Variants in QSER1 observed in about 807,000 individuals in gnomAD.
QSER1 encodes glutamine and serine-rich protein 1.
In QSER1, 49 loss-of-function variants were observed where a neutral mutation model predicts 158.5. The observed-to-expected ratio is 0.31, with a 90% CI of 0.25 to 0.39. The LOEUF is 0.39. Ranked by LOEUF, QSER1 falls within the 10% of genes least tolerant of loss-of-function variation. QSER1 has a pLI of 1.00. For synonymous variants in QSER1, 650 were observed against 715.5 expected (o/e 0.91, Z 1.46); for missense variants, 1,754 against 2,010.3 (o/e 0.87, Z 2.44).
intron 4 of QSER1, among the ~76,000 whole-genome samples, chr11:32,939,954 T>C (rs1852205695): frequency 6.6e-6 from 1 of 151,376 alleles, no homozygotes; most frequent in African/African-American, 2.4e-5. Flanking sequence ...TGAGATTTTT[T>C]TTTTTTTTTT....
intron 1 of QSER1, among the ~76,000 whole-genome samples, chr11:32,924,645 T>C (rs1346104260): frequency 6.9e-6 from 1 of 144,114 alleles, no homozygotes; most frequent in East Asian, 2.0e-4. Flanking sequence ...TGGGAGAAAA[T>C]ACTCCCAATA....
chr11:32,926,808 T>C (rs1463187956), intron 1 of QSER1: 1 of 152,222 alleles, frequency 6.6e-6, no homozygotes, highest in Non-Finnish European at 1.5e-5. Context: ...GAGTCCCTTA[T>C]TTAAATTACA....
At chr11:32,952,086 C>T (rs1030065085) in intron 4 of QSER1, among the ~76,000 whole-genome samples, 1 of 152,006 alleles carries the variant, frequency 6.6e-6, no homozygotes, top group Admixed American at 6.6e-5. Flanking sequence ...GTCATCCGCC[C>T]GCCTCAGCCT....
intron 4 of QSER1, among the ~76,000 whole-genome samples, chr11:32,940,803 A>AT (rs1470138323): frequency 6.6e-6 from 1 of 151,828 alleles, no homozygotes; most frequent in African/African-American, 2.4e-5. Context: ...GATTATTTGC[A>AT]TTTTTTCCTT....
In QSER1 at chr11:32,975,361, A is replaced by G. The variant is rs754266540; in HGVS notation, c.5454+18A>G. ...AGGATGAGGTAATTTCTTCTCATTTACTTAAAAAAAATGTTTTTCAGAATG... is the reference window on the plus strand; with the variant it reads ...AGGATGAGGTAATTTCTTCTCATTTGCTTAAAAAAAATGTTTTTCAGAATG... On this transcript the variant is annotated intron_variant, in intron 12 of 12. Coordinates refer to ENST00000650167, the MANE Select transcript of QSER1 (RefSeq NM_001076786.3). 31 of 1,605,458 alleles carry G rather than the reference A, an allele frequency of 1.9e-5. No individual in the cohort carries two copies. In the East Asian group the frequency reaches 4.5e-4, roughly 23 times the overall value.
chr11:32,964,712 A>AC lies in QSER1; in HGVS notation c.4970-1588_4970-1587insC, dbSNP rs1564946340. Among the ~76,000 whole-genome samples the AC allele has an allele frequency of 2.7e-5, 3 of 112,992 alleles. 1 individual carries two copies. Among genetic ancestry groups the AC allele is most frequent in the East Asian group, 2.5e-4 (1 of 3,950 alleles). 74.1% of individuals were successfully genotyped at this position (112,992 alleles called of 152,430 possible). ...AACCCTATCTCTAAGAAAAAAAAAA[A>AC]ACACCATATATATATATATATATAT... On this transcript the variant is annotated intron_variant, in intron 8 of 12. Coordinates refer to ENST00000650167, the MANE Select transcript of QSER1 (RefSeq NM_001076786.3).
At chr11:32,901,448 G>C (rs1413667452) in intron 1 of QSER1, among the ~76,000 whole-genome samples, 1 of 152,166 alleles carries the variant, frequency 6.6e-6, no homozygotes, top group Non-Finnish European at 1.5e-5. Context: ...CATTTGTCAA[G>C]TAGATTGCAT....
At position 32,974,425 on chromosome 11, in the gene QSER1, C is replaced by CA. The variant is rs34050306; in HGVS notation, c.5359-807dup. ...TGGGTGACAGAATGAGACACTGTCT[C>CA]AAAAAAAAAAAAAAAAGTATTCTGT... On this transcript the variant is annotated intron_variant, in intron 11 of 12. Coordinates refer to ENST00000650167, the MANE Select transcript of QSER1 (RefSeq NM_001076786.3). Among the ~76,000 whole-genome samples, 585 of 91,728 alleles carry CA rather than the reference C, an allele frequency of 6.4e-3. 4 individuals carry two copies. Among genetic ancestry groups the CA allele is most frequent in the South Asian group, 0.014 (41 of 2,926 alleles). 60.2% of individuals were successfully genotyped at this position (91,728 alleles called of 152,430 possible).
At chr11:32,937,238 C>T (rs899619388) in intron 4 of QSER1, among the ~76,000 whole-genome samples, 1 of 152,160 alleles carries the variant, frequency 6.6e-6, no homozygotes, top group Non-Finnish European at 1.5e-5. Context: ...TCATTTGTCA[C>T]TTGGACTATT....
intron 12 of QSER1, chr11:32,975,678 T>G: frequency 8.6e-7 from 1 of 1,160,244 alleles, no homozygotes; most frequent in Non-Finnish European, 1.1e-6. Context: ...TTCACTTCAG[T>G]CACTGCTTTG....
chr11:32,948,816 A>G (rs1321031095), intron 4 of QSER1, among the ~76,000 whole-genome samples: 1 of 152,098 alleles, frequency 6.6e-6, no homozygotes, highest in Admixed American at 6.5e-5. Flanking sequence ...ATGAAACCCA[A>G]TTCTGGGGGC....
Position 32,892,850 on chromosome 11 carries a change from G to A in QSER1, c.-276G>A, listed in dbSNP as rs980208918. On this transcript the variant is annotated 5_prime_UTR_variant, in exon 1 of 13. Coordinates refer to ENST00000650167, the MANE Select transcript of QSER1 (RefSeq NM_001076786.3). ...ACCAACATGGGGCGCAGCGGCCGCC[G>A]CCGCCGCCGCCGTCGCCGCGAGTCC... is the stretch of plus-strand genomic sequence containing the variant. Among the ~76,000 whole-genome samples, 17 of 148,806 alleles carry A rather than the reference G, an allele frequency of 1.1e-4. No homozygotes were observed. The highest frequency in any genetic ancestry group is 4.7e-4 in the Admixed American group (7 of 15,020).
intron 4 of QSER1, among the ~76,000 whole-genome samples, chr11:32,941,118 A>G (rs904139264): frequency 2.0e-5 from 3 of 151,792 alleles, no homozygotes; most frequent in Middle Eastern, 3.4e-3. Flanking sequence ...TTCTTTTCGA[A>G]CTGGCTTATT....
chr11:32,955,250 A>G (rs1852491217), intron 5 of QSER1, 46 bp from the exon 6 acceptor site: 1 of 1,050,642 alleles, frequency 9.5e-7, no homozygotes, highest in Non-Finnish European at 1.4e-6. Context: ...AAGATCTAAA[A>G]TATGTTGCTG....
rs1961247 is a variant in QSER1 at position 32,927,468 on chromosome 11, C to T, written c.322+199C>T. Among the ~76,000 whole-genome samples the T allele has an allele frequency of 0.31, 47,006 of 152,036 alleles. 8,199 individuals are homozygous for T. The highest frequency in any genetic ancestry group is 0.69 in the East Asian group (3,567 of 5,180). On this transcript the variant is annotated intron_variant, in intron 2 of 12. Coordinates refer to ENST00000650167, the MANE Select transcript of QSER1 (RefSeq NM_001076786.3). ...TGTCGGCCAGGCTGGAGTGCAGTGG[C>T]GTGATCTTGGCTGACTGCAACCTCC...
At chr11:32,899,699 G>C (rs552596665) in intron 1 of QSER1, among the ~76,000 whole-genome samples, 1 of 151,840 alleles carries the variant, frequency 6.6e-6, no homozygotes, top group Non-Finnish European at 1.5e-5. Context: ...AAGAACTTGT[G>C]ATCTGGAGGG....
chr11:32,977,939 T>C lies in QSER1; in HGVS notation c.*1465T>C, dbSNP rs1853005661. ...CACGCGGATATTGCTATTGTCTTGC[T>C]TTTGAGTTAACAGGCCAACTTTTTA... On this transcript the variant is annotated 3_prime_UTR_variant, in exon 13 of 13. Coordinates refer to ENST00000650167, the MANE Select transcript of QSER1 (RefSeq NM_001076786.3). 6.6e-6 allele frequency: 1 copy of C among 152,656 alleles called. No homozygotes were observed. The highest frequency in any genetic ancestry group is 2.4e-5 in the African/African-American group (1 of 41,464). 9.5% of individuals were successfully genotyped at this position (152,656 alleles called of 1,614,324 possible).
intron 1 of QSER1, among the ~76,000 whole-genome samples, chr11:32,898,837 C>T (rs983290750): frequency 2.6e-5 from 4 of 152,174 alleles, no homozygotes; most frequent in African/African-American, 4.8e-5. Context: ...GCCTCTCAGG[C>T]GTGAGCCACC....
intron 1 of QSER1, among the ~76,000 whole-genome samples, chr11:32,925,759 C>A (rs563260123): frequency 6.6e-6 from 1 of 152,008 alleles, no homozygotes; most frequent in Non-Finnish European, 1.5e-5. Flanking sequence ...AACTCCTGAC[C>A]TCAAGTGATC....
Sources: allele counts gnomAD v4.1 joint callset (sites outside exome capture counted in the v4.1 genomes callset), GRCh38; gene constraint gnomAD v4.1.1; transcripts MANE v1.5; gene names NCBI Gene and HGNC (gene_info 2026-07-23, HGNC 2026-07-21).